Variants in COL7A1 observed in about 807,000 individuals in gnomAD.
The protein encoded by COL7A1 is collagen alpha-1(VII) chain.
A neutral mutation model predicts 456.2 loss-of-function variants in COL7A1; 296 were observed. The observed-to-expected ratio is 0.65, with a 90% CI of 0.59 to 0.71. The LOEUF (loss-of-function observed/expected upper bound fraction) is 0.71. COL7A1 is among the 30% of genes least tolerant of loss of function. The pLI is 0.00. For missense variants in COL7A1, 3,441 were observed against 4,017.2 expected, an observed-to-expected ratio of 0.86 and a Z score of 3.88; for synonymous variants, 1,464 against 1,525.9, an observed-to-expected ratio of 0.96 and a Z score of 0.95.
rs1402390437 is a variant in COL7A1 at position 48,572,275 on chromosome 3, G to A, written c.6979-104C>T. The A allele has an allele frequency of 6.8e-6, 11 of 1,611,512 alleles. No homozygotes were observed. The Admixed American group carries it at 8.3e-5, about 12-fold the overall frequency. On this transcript the variant is annotated intron_variant, in intron 90 of 118. Coordinates refer to ENST00000681320, the MANE Select transcript of COL7A1 (RefSeq NM_000094.4). The surrounding 1 kb of genome is among the most constrained non-coding windows in gnomAD (Gnocchi z 4.6). ...CTTAAATATGCGGTCTACTATGAAA[G>A]CTGAGGGTCATGAGGGTGGGTAAAC...
In COL7A1 at chr3:48,567,822, C is replaced by G. The variant is rs1485481419; in HGVS notation, c.7929+16G>C. ...CCCCAGGCCACGTAGCCCCCCAGCC[C>G]CCATCCCCTCTGTACCTTGTCTCCC... On this transcript the variant is annotated intron_variant, in intron 107 of 118. Transcript: ENST00000681320. This position sits in a 1 kb window ranked among gnomAD's most constrained non-coding sequence, Gnocchi z 4.3. 2 of 1,614,150 alleles carry G rather than the reference C, an allele frequency of 1.2e-6. No individual in the cohort carries two copies. The highest frequency in any genetic ancestry group is 8.5e-7 in the Non-Finnish European group (1 of 1,180,030).
chr3:48,592,768 A>T lies in COL7A1; in HGVS notation c.846+7T>A. The T allele has an allele frequency of 6.2e-7, 1 of 1,613,578 alleles. No homozygotes were observed. Among genetic ancestry groups the T allele is most frequent in the Non-Finnish European group, 8.5e-7 (1 of 1,180,036 alleles). On this transcript the variant is annotated splice_region_variant and intron_variant, in intron 7 of 118. Transcript: ENST00000681320. This position sits in a 1 kb window ranked among gnomAD's most constrained non-coding sequence, Gnocchi z 7.6. Reference sequence around the variant, plus strand: ...CCAGCCACCACCTATCACTCCTGACATCCTACCTCCTGCCGCTCACTCGGC... The same window carrying T: ...CCAGCCACCACCTATCACTCCTGACTTCCTACCTCCTGCCGCTCACTCGGC...
Position 48,579,313 on chromosome 3 carries a change from TG to T in COL7A1, c.5308-37del, listed in dbSNP as rs755479778. On this transcript the variant is annotated intron_variant, in intron 61 of 118. Coordinates refer to ENST00000681320, the MANE Select transcript of COL7A1 (RefSeq NM_000094.4). This position sits in a 1 kb window ranked among gnomAD's most constrained non-coding sequence, Gnocchi z 4.4. Reference sequence around the variant, plus strand: ...TAGAGTGGTAAGAGGCCACCAAGGCTGAGGTGGATCTGATAACCCAGGCTCA... The same window carrying T: ...TAGAGTGGTAAGAGGCCACCAAGGCTAGGTGGATCTGATAACCCAGGCTCA... 5 of 1,614,056 alleles carry T rather than the reference TG, an allele frequency of 3.1e-6. No homozygotes were observed. The East Asian group carries it at 1.1e-4, about 36-fold the overall frequency.
At position 48,570,600 on chromosome 3, in the gene COL7A1, G is replaced by A. The variant is rs200166712; in HGVS notation, c.7344+39C>T. 53 of 1,612,398 alleles carry A rather than the reference G, an allele frequency of 3.3e-5. No individual in the cohort carries two copies. In the Middle Eastern group the frequency reaches 8.3e-4, roughly 25 times the overall value. ...CCATCCTAAGTCCTCACGAGGACAG[G>A]AAATCAAATACGTGGGGCTTTAGGG... is the stretch of plus-strand genomic sequence containing the variant. On this transcript the variant is annotated intron_variant, in intron 96 of 118. Transcript: ENST00000681320. This position sits in a 1 kb window ranked among gnomAD's most constrained non-coding sequence, Gnocchi z 5.5.
Position 48,570,708 on chromosome 3 carries a change from A to T in COL7A1, c.7275T>A (p.Gly2425=), listed in dbSNP as rs1427370456. The change falls in exon 96 of 119, where the codon GGT becomes GGA. Residue 2425 remains glycine (G), a splice_region_variant and synonymous_variant. Transcript: ENST00000681320. The surrounding 1 kb of genome is among the most constrained non-coding windows in gnomAD (Gnocchi z 5.5). ...MGQPGPSGER[G]LAGPPGREGI... is the part of the protein sequence containing the mutation. Reference sequence around the variant, plus strand: ...CTTCTCTCCCTGGGGGGCCTGCCAGACCCTACCAGAAAAATGGGGCAAGAG... The same window carrying T: ...CTTCTCTCCCTGGGGGGCCTGCCAGTCCCTACCAGAAAAATGGGGCAAGAG... The T allele has an allele frequency of 1.3e-6, 2 of 1,575,848 alleles. No homozygotes were observed. The highest frequency in any genetic ancestry group is 2.7e-5 in the African/African-American group (2 of 73,830).
At position 48,591,480 on chromosome 3, in the gene COL7A1, A is replaced by C; in HGVS notation, c.1620T>G (p.Ile540Met). Reference sequence around the variant, plus strand: ...CCACCTCACCCTGGGTGCTGCGCACAATGATGCGGTACTGGGTGGCACCAG... The same window carrying C: ...CCACCTCACCCTGGGTGCTGCGCACCATGATGCGGTACTGGGTGGCACCAG... Reference protein sequence around the residue: ...PVPGATQYRIIVRSTQGVERT... With the variant: ...PVPGATQYRIMVRSTQGVERT... Residue 540 changes from isoleucine (I) to methionine (M), a missense_variant, in exon 13 of 119, where the codon ATT becomes ATG. Physicochemically the swap from Ile to Met is conservative, Grantham distance 10 (BLOSUM62 1). Around this residue, in one of 3 missense-constraint regions of COL7A1, gnomAD observed 913 missense variants for 1,088.2 expected, o/e 0.84. Transcript: ENST00000681320. This position sits in a 1 kb window ranked among gnomAD's most constrained non-coding sequence, Gnocchi z 7.0. 1 of 1,613,920 alleles carries C rather than the reference A, an allele frequency of 6.2e-7. No homozygotes were observed. Among genetic ancestry groups the C allele is most frequent in the Non-Finnish European group, 8.5e-7 (1 of 1,179,954 alleles).
rs1478176853 is a variant in COL7A1 at position 48,578,339 on chromosome 3, A to G, written c.5514T>C (p.Pro1838=). ...LPGKPGEDGK[P]GLNGKNGEPG... Reference sequence around the variant, plus strand: ...CACTCACGTTTTTTCCATTCAGGCCAGGTTTGCCATCCTCGCCTGGCTTTC... The same window carrying G: ...CACTCACGTTTTTTCCATTCAGGCCGGGTTTGCCATCCTCGCCTGGCTTTC... Residue 1838 remains proline (P), a synonymous_variant, in exon 65 of 119, where the codon CCT becomes CCC. Coordinates refer to ENST00000681320, the MANE Select transcript of COL7A1 (RefSeq NM_000094.4). The surrounding 1 kb of genome is among the most constrained non-coding windows in gnomAD (Gnocchi z 4.7). 7.4e-6 allele frequency: 12 copies of G among 1,612,842 alleles called. No individual in the cohort carries two copies. Among genetic ancestry groups the G allele is most frequent in the Non-Finnish European group, 8.5e-6 (10 of 1,180,008 alleles).
rs772285932 is a variant in COL7A1, at chr3:48,590,192, G to C, written c.2050+21C>G. ...AAGAGCAATGGAGGCAGAGAGCCAA[G>C]GGACGGGGGCAGGGCCTGACCCGTT... On this transcript the variant is annotated intron_variant, in intron 16 of 118. Coordinates refer to ENST00000681320, the MANE Select transcript of COL7A1 (RefSeq NM_000094.4). This position sits in a 1 kb window ranked among gnomAD's most constrained non-coding sequence, Gnocchi z 4.6. The C allele has an allele frequency of 2.5e-6, 4 of 1,609,302 alleles. No individual in the cohort carries two copies. Among genetic ancestry groups the C allele is most frequent in the South Asian group, 2.2e-5 (2 of 90,944 alleles).
Position 48,587,965 on chromosome 3 carries a change from C to A in COL7A1, c.2711-26G>T. On this transcript the variant is annotated intron_variant, in intron 21 of 118. Coordinates refer to ENST00000681320, the MANE Select transcript of COL7A1 (RefSeq NM_000094.4). This position sits in a 1 kb window ranked among gnomAD's most constrained non-coding sequence, Gnocchi z 6.1. ...CTGGGGCAGGCGTGAGGGTGGGGGC[C>A]AAGAGCATGTGGGATAGTGACACCT... 1 of 1,565,796 alleles carries A rather than the reference C, an allele frequency of 6.4e-7. No individual in the cohort carries two copies. Among genetic ancestry groups the A allele is most frequent in the East Asian group, 2.4e-5 (1 of 42,034 alleles).
rs368669037 is a variant in COL7A1, at chr3:48,589,635, C to T, written c.2134G>A (p.Ala712Thr). ...TGCCAGGAAACCCTGTATCCTGTGG[C>T]GCCAGGAACCCTGGTCCAGGTAATG... is the stretch of plus-strand genomic sequence containing the variant. Reference protein sequence around the residue: ...VTITWTRVPGATGYRVSWHSA... With the variant: ...VTITWTRVPGTTGYRVSWHSA... The change falls in exon 17 of 119, where the codon GCC becomes ACC. Residue 712 changes from alanine (A) to threonine (T), a missense_variant. By Grantham distance (58) the Ala-to-Thr change is moderately conservative. Coordinates refer to ENST00000681320, the MANE Select transcript of COL7A1 (RefSeq NM_000094.4). 3.5e-5 allele frequency: 57 copies of T among 1,613,792 alleles called. No individual in the cohort carries two copies. The highest frequency in any genetic ancestry group is 3.3e-4 in the Middle Eastern group (2 of 6,062).
In COL7A1 at chr3:48,586,143, A is replaced by T. The variant is rs1450977916; in HGVS notation, c.3654T>A (p.Asp1218Glu). ...TGACTGCCTGGTCCAGGCTTGGCCC[A>T]TCATCCACGGCGAAGAAGGTCTGGA... ...DSVQTFFAVD[D>E]GPSLDQAVSG... is the part of the protein sequence containing the mutation. Residue 1218 changes from aspartate (D) to glutamate (E), a missense_variant, in exon 28 of 119, where the codon GAT becomes GAA. Coordinates refer to ENST00000681320, the MANE Select transcript of COL7A1 (RefSeq NM_000094.4). This position sits in a 1 kb window ranked among gnomAD's most constrained non-coding sequence, Gnocchi z 5.1. 1 of 1,613,398 alleles carries T rather than the reference A, an allele frequency of 6.2e-7. No individual in the cohort carries two copies. Among genetic ancestry groups the T allele is most frequent in the Admixed American group, 1.7e-5 (1 of 60,026 alleles).
rs1170510858 is a variant in COL7A1, at chr3:48,582,318, C to T, written c.4635+5G>A. 6.2e-7 allele frequency: 1 copy of T among 1,614,018 alleles called. No individual in the cohort carries two copies. Among genetic ancestry groups the T allele is most frequent in the Admixed American group, 1.7e-5 (1 of 60,028 alleles). On this transcript the variant is annotated splice_donor_5th_base_variant and intron_variant, in intron 47 of 118. Coordinates refer to ENST00000681320, the MANE Select transcript of COL7A1 (RefSeq NM_000094.4). Reference sequence around the variant, plus strand: ...TGCTCAGAGCGCCATCCTCCCGTCACTCACCACCACTGCAGGGTCCCCAGG... The same window carrying T: ...TGCTCAGAGCGCCATCCTCCCGTCATTCACCACCACTGCAGGGTCCCCAGG...
chr3:48,565,108 C>T lies in COL7A1; in HGVS notation c.8620+1G>A. The T allele has an allele frequency of 1.2e-6, 2 of 1,613,902 alleles. No homozygotes were observed. The highest frequency in any genetic ancestry group is 1.7e-6 in the Non-Finnish European group (2 of 1,179,868). On this transcript the variant is annotated splice_donor_variant, in intron 117 of 118. Transcript: ENST00000681320. LOFTEE classifies it high-confidence loss of function. This position sits in a 1 kb window ranked among gnomAD's most constrained non-coding sequence, Gnocchi z 4.5. Reference sequence around the variant, plus strand: ...CCCCGCTGGCAGCCCCCCATTCTCACCATCACTATCCCAAGGAGCTTCAGG... The same window carrying T: ...CCCCGCTGGCAGCCCCCCATTCTCATCATCACTATCCCAAGGAGCTTCAGG...
chr3:48,576,624 AACATCATGGCTTC>A, intron 68 of COL7A1, 39 bp downstream of exon 68: 2 of 1,591,646 alleles, frequency 1.3e-6, no homozygotes, highest in Non-Finnish European at 8.6e-7. Flanking sequence ...TGCCCATTGA[AACATCATGGCTTC>A]TAATGCTCTG....
Position 48,579,356 on chromosome 3 carries a change from C to T in COL7A1, c.5307+13G>A. ...CCAGGCTCATGTCCTGAGAAACCCC[C>T]ACACCCTCTCACCTTTTCTCCTGCT... On this transcript the variant is annotated intron_variant, in intron 61 of 118. Transcript: ENST00000681320. The surrounding 1 kb of genome is among the most constrained non-coding windows in gnomAD (Gnocchi z 4.4). The T allele has an allele frequency of 6.2e-7, 1 of 1,614,188 alleles. No individual in the cohort carries two copies. The highest frequency in any genetic ancestry group is 8.5e-7 in the Non-Finnish European group (1 of 1,180,022).
In COL7A1 at chr3:48,585,555, A is replaced by G. The variant is rs202012558; in HGVS notation, c.3894+2T>C. The stretch of plus-strand genomic sequence containing the variant: ...AGAAACCTCGATGGTCTCCACACTC[A>G]CCCTCTCGCCCTTGGCAGTGGCACT... On this transcript the variant is annotated splice_donor_variant, in intron 32 of 118. Transcript: ENST00000681320. LOFTEE classifies it high-confidence loss of function. This position sits in a 1 kb window ranked among gnomAD's most constrained non-coding sequence, Gnocchi z 4.5. The G allele has an allele frequency of 6.2e-7, 1 of 1,613,488 alleles. No homozygotes were observed. Among genetic ancestry groups the G allele is most frequent in the Non-Finnish European group, 8.5e-7 (1 of 1,179,860 alleles).
Position 48,570,918 on chromosome 3 carries a change from G to C in COL7A1, c.7215C>G (p.Phe2405Leu), listed in dbSNP as rs779587550. 68 of 1,613,766 alleles carry C rather than the reference G, an allele frequency of 4.2e-5. No homozygotes were observed. Among genetic ancestry groups the C allele is most frequent in the Non-Finnish European group, 5.8e-5 (68 of 1,179,952 alleles). ...CTCCTCGAGGGCCTGTCTGACCCGGGAACCCAACAACACCAGGAGCACCGG... is the reference window on the plus strand; with the variant it reads ...CTCCTCGAGGGCCTGTCTGACCCGGCAACCCAACAACACCAGGAGCACCGG... ...GLPGAPGVVGFPGQTGPRGEM... is the reference protein window; with the variant it reads ...GLPGAPGVVGLPGQTGPRGEM... The change falls in exon 95 of 119, where the codon TTC becomes TTG. Residue 2405 changes from phenylalanine (F) to leucine (L), a missense_variant. Around this residue, in one of 3 missense-constraint regions of COL7A1, gnomAD observed 2,084 missense variants for 2,501.3 expected, o/e 0.83. Transcript: ENST00000681320. This position sits in a 1 kb window ranked among gnomAD's most constrained non-coding sequence, Gnocchi z 5.5.
chr3:48,581,865 G>A lies in COL7A1; in HGVS notation c.4668+46C>T, dbSNP rs779794749. 1.8e-5 allele frequency: 29 copies of A among 1,613,800 alleles called. No homozygotes were observed. The highest frequency in any genetic ancestry group is 2.5e-5 in the Non-Finnish European group (29 of 1,179,882). On this transcript the variant is annotated intron_variant, in intron 48 of 118. Transcript: ENST00000681320. The surrounding 1 kb of genome is among the most constrained non-coding windows in gnomAD (Gnocchi z 5.8). ...TCCCATAGATAGGCCCTATGACCTA[G>A]ACCTCAACCCTGTAGAAACCTCCCC...
Position 48,572,139 on chromosome 3 carries a change from C to A in COL7A1, c.7011G>T (p.Pro2337=), listed in dbSNP as rs781739537. ...GAKGDRGLPG[P]RGEKGEAGRA... ...CAACCCACCTCACCTTCTCGCCTCG[C>A]GGCCCTGGCAGTCCTCGGTCACCTT... The change falls in exon 91 of 119, where the codon CCG becomes CCT. Residue 2337 remains proline (P), a synonymous_variant. Transcript: ENST00000681320. This position sits in a 1 kb window ranked among gnomAD's most constrained non-coding sequence, Gnocchi z 4.6. The A allele has an allele frequency of 1.2e-6, 2 of 1,614,016 alleles. No individual in the cohort carries two copies. The highest frequency in any genetic ancestry group is 1.7e-6 in the Non-Finnish European group (2 of 1,179,992).
Sources: allele counts gnomAD v4.1 joint callset, GRCh38; gene constraint gnomAD v4.1.1; regional missense constraint gnomAD v4.1.1; non-coding constraint Gnocchi (gnomAD v3.1); transcripts MANE v1.5; gene names NCBI Gene and HGNC (gene_info 2026-07-23, HGNC 2026-07-21).